CDH12: variants seen among roughly 807,000 people sequenced by gnomAD.
The protein encoded by CDH12 is cadherin-12.
Under a neutral mutation model 74.1 loss-of-function variants are expected in CDH12, and 41 were observed. The observed-to-expected ratio is 0.55, with a 90% CI of 0.43 to 0.72. The LOEUF (loss-of-function observed/expected upper bound fraction) is 0.72, where lower values mean the gene tolerates loss of function less well. Ranked by LOEUF, CDH12 falls within the 30% of genes least tolerant of loss-of-function variation. The pLI, the probability that CDH12 is intolerant of heterozygous loss-of-function variation, is 0.00. For synonymous variants in CDH12, 399 were observed against 355.0 expected, an observed-to-expected ratio of 1.12 and a Z score of -1.39; for missense variants, 945 against 977.2, an observed-to-expected ratio of 0.97 and a Z score of 0.44.
chr5:22,097,392 AAAGT>A (rs1743852787), intron 4 of CDH12, among the ~76,000 whole-genome samples: 1 of 152,098 alleles, frequency 6.6e-6, no homozygotes, highest in Non-Finnish European at 1.5e-5. Flanking sequence ...CTCACAGCAG[AAAGT>A]AAGTCCTTAA....
At chr5:22,559,194 C>A (rs1037949450) in intron 1 of CDH12, among the ~76,000 whole-genome samples, 1 of 151,904 alleles carries the variant, frequency 6.6e-6, no homozygotes, top group Non-Finnish European at 1.5e-5. Flanking sequence ...CCCCATAACA[C>A]AACATGAAGG....
At chr5:22,791,622 G>A (rs970321288) in intron 1 of CDH12, among the ~76,000 whole-genome samples, 2 of 152,102 alleles carry the variant, frequency 1.3e-5, no homozygotes, top group Non-Finnish European at 2.9e-5. Context: ...ACATACCTGA[G>A]ATTGGGTAAT....
intron 4 of CDH12, among the ~76,000 whole-genome samples, chr5:22,104,609 T>C (rs1744324757): frequency 6.6e-6 from 1 of 152,168 alleles, no homozygotes; most frequent in Admixed American, 6.5e-5. Context: ...ACGTGTGCAT[T>C]AGAAATACTG....
chr5:21,876,127 C>T (rs1255582275), intron 6 of CDH12, among the ~76,000 whole-genome samples: 3 of 152,072 alleles, frequency 2.0e-5, no homozygotes, highest in Admixed American at 6.6e-5. Context: ...ATCTCTTGAC[C>T]TCATGTTCCA....
At chr5:22,472,892 C>T (rs913060980) in intron 2 of CDH12, among the ~76,000 whole-genome samples, 5 of 152,096 alleles carry the variant, frequency 3.3e-5, no homozygotes, top group Non-Finnish European at 7.4e-5. Flanking sequence ...AAATGCAAGT[C>T]ATATAACATT....
At chr5:22,051,815 A>G (rs1160498647) in intron 5 of CDH12, among the ~76,000 whole-genome samples, 1 of 152,154 alleles carries the variant, frequency 6.6e-6, no homozygotes, top group Non-Finnish European at 1.5e-5. Flanking sequence ...GAAAAAAAGA[A>G]AAAGAGCTGG....
intron 3 of CDH12, among the ~76,000 whole-genome samples, chr5:22,237,118 C>G (rs1752586580): frequency 6.6e-6 from 1 of 152,058 alleles, no homozygotes; most frequent in Non-Finnish European, 1.5e-5. Context: ...ACTGGCATCA[C>G]AGTTAGTTTG....
intron 3 of CDH12, among the ~76,000 whole-genome samples, chr5:22,281,354 G>T (rs573533811): frequency 6.6e-6 from 1 of 151,894 alleles, no homozygotes; most frequent in African/African-American, 2.4e-5. Flanking sequence ...TATTAAACAA[G>T]GTATTGGGAG....
intron 6 of CDH12, among the ~76,000 whole-genome samples, chr5:21,902,350 C>T (rs2150055126): frequency 6.6e-6 from 1 of 151,814 alleles, no homozygotes; most frequent in South Asian, 2.1e-4. Flanking sequence ...TTCTCTCTGT[C>T]TCACTCACTG....
At chr5:22,698,108 G>C (rs971677914) in intron 1 of CDH12, among the ~76,000 whole-genome samples, 1 of 140,152 alleles carries the variant, frequency 7.1e-6, no homozygotes, top group African/African-American at 2.7e-5. Context: ...CTTAATGCCC[G>C]CATAAAGGCA....
chr5:22,689,941 C>A (rs917343042), intron 1 of CDH12, among the ~76,000 whole-genome samples: 1 of 151,922 alleles, frequency 6.6e-6, no homozygotes, highest in South Asian at 2.1e-4. Context: ...AAATTTTTAA[C>A]CCCAAATTTG....
chr5:22,445,227 T>C lies in CDH12; in HGVS notation c.-427-39876A>G, dbSNP rs372652987. The stretch of plus-strand genomic sequence containing the variant: ...TCTTTCTTCAGAATGCTGAACCTTG[T>C]TGGGAAAATGGATGGATACAGCCCC... On this transcript the variant is annotated intron_variant, in intron 2 of 14. Coordinates refer to ENST00000382254, the MANE Select transcript of CDH12 (RefSeq NM_004061.5). Among the ~76,000 whole-genome samples the C allele has an allele frequency of 3.0e-4, 45 of 152,128 alleles. No homozygotes were observed. The East Asian group carries it at 7.7e-3, about 26-fold the overall frequency.
At position 21,842,849 on chromosome 5, in the gene CDH12, C is replaced by T. The variant is rs953712874; in HGVS notation, c.647-521G>A. Among the ~76,000 whole-genome samples, 9 of 152,030 alleles carry T rather than the reference C, an allele frequency of 5.9e-5. No individual in the cohort carries two copies. In the East Asian group the frequency reaches 7.7e-4, roughly 13 times the overall value. On this transcript the variant is annotated intron_variant, in intron 7 of 14. Transcript: ENST00000382254. ...ATTTTATTTTGTCTTTCAGAATTCC[C>T]GTTAGTTATTTTAGCAACAGATATT...
chr5:22,748,962 AAAG>A (rs1380281162), intron 1 of CDH12, among the ~76,000 whole-genome samples: 1 of 152,200 alleles, frequency 6.6e-6, no homozygotes, highest in Non-Finnish European at 1.5e-5. Context: ...GCTGGGAGAC[AAAG>A]AAGTATAGTA....
intron 1 of CDH12, among the ~76,000 whole-genome samples, chr5:22,518,527 C>CA (rs1436029820): frequency 6.6e-6 from 1 of 152,040 alleles, no homozygotes; most frequent in Non-Finnish European, 1.5e-5. Flanking sequence ...CAAGTTAGAT[C>CA]AAAAAATGAG....
At position 22,183,305 on chromosome 5, in the gene CDH12, T is replaced by A. The variant is rs559937349; in HGVS notation, c.-187+29193A>T. 8.2e-4 allele frequency among the ~76,000 whole-genome samples: 125 copies of A among 152,230 alleles called. 1 individual carries two copies. Among genetic ancestry groups the A allele is most frequent in the African/African-American group, 2.9e-3 (120 of 41,546 alleles). The stretch of plus-strand genomic sequence containing the variant: ...GCTTATAATATTTGGTGATCAGAAT[T>A]TCTTTTTAGGATTATCAAGTCTGTT... On this transcript the variant is annotated intron_variant, in intron 4 of 14. Transcript: ENST00000382254.
At chr5:21,786,068 A>G (rs1046945441) in intron 10 of CDH12, among the ~76,000 whole-genome samples, 1 of 152,214 alleles carries the variant, frequency 6.6e-6, no homozygotes, top group Non-Finnish European at 1.5e-5. Flanking sequence ...TAGAGCCCCT[A>G]TGAATTTTGC....
chr5:21,780,110 G>A (rs1745822405), intron 11 of CDH12, among the ~76,000 whole-genome samples: 1 of 152,088 alleles, frequency 6.6e-6, no homozygotes, highest in Non-Finnish European at 1.5e-5. Flanking sequence ...ATTTGTCTAA[G>A]TCCCAGTTCT....
chr5:22,688,704 C>T (rs556666846), intron 1 of CDH12, among the ~76,000 whole-genome samples: 1 of 151,726 alleles, frequency 6.6e-6, no homozygotes, highest in Non-Finnish European at 1.5e-5. Flanking sequence ...AAAAAATGTG[C>T]CAAAAATAAT....
Sources: gnomAD v4.1 joint callset for allele counts (sites outside exome capture counted in the v4.1 genomes callset) on GRCh38, gnomAD v4.1.1 for gene constraint, MANE v1.5 for transcripts, NCBI Gene and HGNC (gene_info 2026-07-23, HGNC 2026-07-21) for gene names.